Variants in CNTN5 observed in about 807,000 individuals in gnomAD.
CNTN5 encodes contactin-5.
A neutral mutation model predicts 129.1 loss-of-function variants in CNTN5; 77 were observed. The observed-to-expected ratio is 0.60, with a 90% CI of 0.50 to 0.72. CNTN5 has a LOEUF of 0.72. Ranked by LOEUF, CNTN5 falls within the 30% of genes least tolerant of loss-of-function variation. The pLI, the probability that CNTN5 is intolerant of heterozygous loss-of-function variation, is 0.00. For missense variants in CNTN5, 1,478 were observed against 1,328.8 expected, an observed-to-expected ratio of 1.11 and a Z score of -1.75; for synonymous variants, 509 against 465.6, an observed-to-expected ratio of 1.09 and a Z score of -1.20.
chr11:99,259,465 A>G (rs936231094), intron 1 of CNTN5, among the ~76,000 whole-genome samples: 7 of 151,922 alleles, frequency 4.6e-5, no homozygotes, highest in African/African-American at 1.7e-4. Context: ...ATTTATCTGC[A>G]GTGGTGAGCA....
chr11:99,951,618 T>A, intron 7 of CNTN5, among the ~76,000 whole-genome samples: 1 of 152,226 alleles, frequency 6.6e-6, no homozygotes, highest in Admixed American at 6.5e-5. Flanking sequence ...ATATTTCATC[T>A]AACTTACCTA....
intron 2 of CNTN5, among the ~76,000 whole-genome samples, chr11:99,471,206 C>T (rs1264114166): frequency 2.0e-5 from 3 of 150,716 alleles, no homozygotes; most frequent in Admixed American, 2.0e-4. Context: ...TAAAAGGTAA[C>T]ACAATAATAA....
chr11:99,390,925 A>AT (rs1396570385), intron 2 of CNTN5, among the ~76,000 whole-genome samples: 1 of 152,086 alleles, frequency 6.6e-6, no homozygotes, highest in Non-Finnish European at 1.5e-5. Flanking sequence ...AACAACTTTT[A>AT]TATTTTTTAA....
chr11:99,841,950 G>A (rs1363851138), intron 4 of CNTN5, among the ~76,000 whole-genome samples: 2 of 150,690 alleles, frequency 1.3e-5, no homozygotes, highest in African/African-American at 2.4e-5. Context: ...GCAGTGGAGC[G>A]ATCTCAGCTC....
chr11:99,376,627 C>T (rs1313121149), intron 2 of CNTN5, among the ~76,000 whole-genome samples: 1 of 152,156 alleles, frequency 6.6e-6, no homozygotes, highest in Non-Finnish European at 1.5e-5. Context: ...TGGTCAGAAT[C>T]CTGTACTTAT....
chr11:99,799,914 C>T (rs895384814), intron 3 of CNTN5, among the ~76,000 whole-genome samples: 3 of 151,928 alleles, frequency 2.0e-5, no homozygotes, highest in African/African-American at 7.2e-5. Context: ...TTACTAATTC[C>T]ATGTCAGAAA....
chr11:100,222,370 G>A (rs1591407802), intron 15 of CNTN5, among the ~76,000 whole-genome samples: 1 of 152,070 alleles, frequency 6.6e-6, no homozygotes, highest in South Asian at 2.1e-4. Context: ...GAATTCCTTG[G>A]ACATTTTTGT....
chr11:100,116,552 G>GA (rs1945847015), intron 13 of CNTN5, among the ~76,000 whole-genome samples: 1 of 151,266 alleles, frequency 6.6e-6, no homozygotes, highest in Admixed American at 6.6e-5. Context: ...CCTAAAAAGA[G>GA]AAAAAAGAGT....
At chr11:99,383,014 G>A (rs1312692217) in intron 2 of CNTN5, among the ~76,000 whole-genome samples, 1 of 151,044 alleles carries the variant, frequency 6.6e-6, no homozygotes, top group Non-Finnish European at 1.5e-5. Context: ...CCACCACGAC[G>A]GCCAGCTAAT....
chr11:99,187,369 C>T (rs1027679911), intron 1 of CNTN5, among the ~76,000 whole-genome samples: 4 of 151,270 alleles, frequency 2.6e-5, no homozygotes, highest in Non-Finnish European at 5.9e-5. Flanking sequence ...GTTTTGGAGT[C>T]GGATACATGT....
chr11:99,197,547 T>C (rs1431989100), intron 1 of CNTN5, among the ~76,000 whole-genome samples: 5 of 152,044 alleles, frequency 3.3e-5, no homozygotes, highest in African/African-American at 1.2e-4. Context: ...ATTTTCCCAC[T>C]CCTTTTCTTC....
chr11:99,556,656 A>T (rs988461625), intron 3 of CNTN5, among the ~76,000 whole-genome samples: 2 of 140,952 alleles, frequency 1.4e-5, no homozygotes, highest in Non-Finnish European at 3.1e-5. Context: ...TATGTATATA[A>T]ATAATTATGT....
At chr11:100,100,792 C>G (rs1261517721) in intron 13 of CNTN5, among the ~76,000 whole-genome samples, 4 of 152,078 alleles carry the variant, frequency 2.6e-5, no homozygotes, top group Non-Finnish European at 5.9e-5. Flanking sequence ...ACTTATAAGA[C>G]TTTGCAGGTA....
At chr11:99,029,285 A>T (rs980508581) in intron 1 of CNTN5, among the ~76,000 whole-genome samples, 4 of 151,912 alleles carry the variant, frequency 2.6e-5, no homozygotes, top group African/African-American at 9.7e-5. Context: ...AGATCTTTAG[A>T]ACATCAGCAT....
At chr11:99,408,380 A>AAAAG (rs796878448) in intron 2 of CNTN5, among the ~76,000 whole-genome samples, 10 of 134,010 alleles carry the variant, frequency 7.5e-5, no homozygotes, top group Non-Finnish European at 1.2e-4. Context: ...AAAAAAAAAA[A>AAAAG]AAAGAAAGAA....
At chr11:99,711,703 C>G (rs950780498) in intron 3 of CNTN5, among the ~76,000 whole-genome samples, 9 of 151,894 alleles carry the variant, frequency 5.9e-5, no homozygotes, top group African/African-American at 2.2e-4. Context: ...CACTGTTAAA[C>G]TCCCACTTAT....
At chr11:99,819,266 C>A (rs1265143598) in intron 3 of CNTN5, among the ~76,000 whole-genome samples, 1 of 132,814 alleles carries the variant, frequency 7.5e-6, no homozygotes, top group Non-Finnish European at 1.6e-5. Context: ...TTCCCTTCTG[C>A]CATCATTTTT....
chr11:99,857,384 A>C (rs1175545337), intron 6 of CNTN5, among the ~76,000 whole-genome samples: 1 of 152,190 alleles, frequency 6.6e-6, no homozygotes, highest in Non-Finnish European at 1.5e-5. Flanking sequence ...ACCCTCAAAA[A>C]GAATTCCCTT....
chr11:99,340,623 C>T (rs770772145), intron 2 of CNTN5, among the ~76,000 whole-genome samples: 1 of 152,116 alleles, frequency 6.6e-6, no homozygotes, highest in Non-Finnish European at 1.5e-5. Flanking sequence ...AGAGCTTTTG[C>T]AATGGCGTAG....
Sources: allele counts gnomAD v4.1 joint callset (sites outside exome capture counted in the v4.1 genomes callset), GRCh38; gene constraint gnomAD v4.1.1; transcripts MANE v1.5; gene names NCBI Gene and HGNC (gene_info 2026-07-23, HGNC 2026-07-21).